The following ABCB4 variants were observed in gnomAD, a reference collection of about 807,000 sequenced individuals.
ABCB4 encodes ATP binding cassette subfamily B member 4.
A neutral mutation model predicts 145.7 loss-of-function variants in ABCB4; 76 were observed. The observed-to-expected ratio is 0.52, with a 90% CI of 0.43 to 0.63. The LOEUF (loss-of-function observed/expected upper bound fraction) is 0.63. Among genes scored for constraint, ABCB4 ranks in the 30% least tolerant of loss-of-function variants. The pLI is 0.00. For synonymous variants in ABCB4, 517 were observed against 566.8 expected (o/e 0.91, Z 1.25); for missense variants, 1,234 against 1,553.1 (o/e 0.79, Z 3.45).
chr7:87,384,843 C>T, the ABCB4 span, among the ~76,000 whole-genome samples: 7 of 152,182 alleles, frequency 4.6e-5, no homozygotes, highest in African/African-American at 9.6e-5. Flanking sequence ...TTTATAGTTT[C>T]AGGTCTTATA....
chr7:87,403,121 G>A lies in ABCB4; in HGVS notation c.3633+14C>T. Reference sequence around the variant, plus strand: ...ATAAATTAAATAAGACATAAGTTGGGAGGCCACACACACCTTTTCACTTTC... The same window carrying A: ...ATAAATTAAATAAGACATAAGTTGGAAGGCCACACACACCTTTTCACTTTC... On this transcript the variant is annotated intron_variant, in intron 27 of 27. Transcript: ENST00000649586. 6.2e-7 allele frequency: 1 copy of A among 1,613,744 alleles called. No homozygotes were observed. The highest frequency in any genetic ancestry group is 8.5e-7 in the Non-Finnish European group (1 of 1,179,780).
intron 7 of ABCB4, 124 bp from the exon 8 acceptor site, chr7:87,450,216 A>G: frequency 1.5e-6 from 2 of 1,319,608 alleles, no homozygotes; most frequent in Non-Finnish European, 2.1e-6. Context: ...AAAGTCATGT[A>G]GCAAATGCCA....
chr7:87,380,087 G>A, the ABCB4 span, among the ~76,000 whole-genome samples: 1 of 152,140 alleles, frequency 6.6e-6, no homozygotes, highest in African/African-American at 2.4e-5. Context: ...CTCCCACCCA[G>A]GCAACAGAAC....
intron 20 of ABCB4, 37 bp downstream of exon 20, chr7:87,418,500 T>A: frequency 1.3e-6 from 2 of 1,583,498 alleles, no homozygotes; most frequent in South Asian, 1.1e-5. Flanking sequence ...AAAACCATGT[T>A]ATGTAAAAAA....
In ABCB4 at chr7:87,439,723, C is replaced by G. The variant is rs745413159; in HGVS notation, c.1675G>C (p.Ala559Pro). The change falls in exon 14 of 28, where the codon GCC becomes CCC. Residue 559 changes from alanine (A) to proline (P), a missense_variant. Physicochemically the swap from Ala to Pro is conservative, Grantham distance 27 (BLOSUM62 -1). This residue lies in a region of ABCB4 where 467 missense variants were observed against 632.8 expected (regional missense o/e 0.74). Coordinates refer to ENST00000649586, the MANE Select transcript of ABCB4 (RefSeq NM_000443.4). ...CTTTCTGTGTCCAATGCTGACGTGG[C>G]CTCATCCAGCAGAAGGATCTTGGGG... ...RNPKILLLDE[A>P]TSALDTESEA... 1 of 1,614,138 alleles carries G rather than the reference C, an allele frequency of 6.2e-7. No individual in the cohort carries two copies. Among genetic ancestry groups the G allele is most frequent in the South Asian group, 1.1e-5 (1 of 91,074 alleles).
Position 87,426,923 on chromosome 7 carries a change from GA to G in ABCB4, c.1894-4del. 1 of 1,606,984 alleles carries G rather than the reference GA, an allele frequency of 6.2e-7. No homozygotes were observed. The highest frequency in any genetic ancestry group is 8.5e-7 in the Non-Finnish European group (1 of 1,176,600). ...GACTGGATCTGGCTTCCTGATGTCTGAAAGAATATCAAGACATTAAAGTGTG... is the reference window on the plus strand; with the variant it reads ...GACTGGATCTGGCTTCCTGATGTCTGAAGAATATCAAGACATTAAAGTGTG... On this transcript the variant is annotated splice_region_variant and splice_polypyrimidine_tract_variant and intron_variant, in intron 15 of 27. Transcript: ENST00000649586.
intron 12 of ABCB4, among the ~76,000 whole-genome samples, chr7:87,440,831 C>G (rs45487294): frequency 0.01 from 1,543 of 152,182 alleles, 13 homozygotes; most frequent in Non-Finnish European, 0.017. Context: ...AGCTCCACCT[C>G]CCGGGTTCAC....
chr7:87,410,048 G>A (rs1808498615), intron 23 of ABCB4, among the ~76,000 whole-genome samples: 1 of 152,106 alleles, frequency 6.6e-6, no homozygotes, highest in South Asian at 2.1e-4. Flanking sequence ...TAACGAACAT[G>A]CATATGTACC....
At chr7:87,434,746 C>CAA (rs34905708) in intron 14 of ABCB4, among the ~76,000 whole-genome samples, 6 of 150,710 alleles carry the variant, frequency 4.0e-5, no homozygotes, top group East Asian at 1.9e-4. Context: ...GACTCCGTCT[C>CAA]AAAAAAAAAA....
intron 4 of ABCB4, among the ~76,000 whole-genome samples, chr7:87,458,059 C>T (rs1562994112): frequency 6.6e-6 from 1 of 152,110 alleles, no homozygotes; most frequent in Non-Finnish European, 1.5e-5. Flanking sequence ...GGTGTTTGTT[C>T]AGGCACCCTA....
the ABCB4 span, among the ~76,000 whole-genome samples, chr7:87,388,520 T>C: frequency 6.6e-6 from 1 of 152,130 alleles, no homozygotes; most frequent in Admixed American, 6.5e-5. Context: ...AAACAAGCAA[T>C]GGGGAAAGGA....
chr7:87,390,752 G>A, the ABCB4 span, among the ~76,000 whole-genome samples: 7 of 152,166 alleles, frequency 4.6e-5, no homozygotes, highest in Non-Finnish European at 8.8e-5. Context: ...AGTCCTTCAT[G>A]TTCTATATGG....
intron 4 of ABCB4, among the ~76,000 whole-genome samples, chr7:87,460,132 G>GT (rs1410841755): frequency 6.6e-6 from 1 of 152,166 alleles, no homozygotes; most frequent in Non-Finnish European, 1.5e-5. Context: ...CATCTGGAAG[G>GT]TCAGACCATT....
At position 87,450,097 on chromosome 7, in the gene ABCB4, A is replaced by G. The variant is rs1250758488; in HGVS notation, c.709-5T>C. 6.2e-7 allele frequency: 1 copy of G among 1,613,834 alleles called. No individual in the cohort carries two copies. The highest frequency in any genetic ancestry group is 2.2e-5 in the East Asian group (1 of 44,892). ...GTCACTAAATGCCGAGAGTATCTGGACAGAAAAGAAACAGTGATCACTTTT... is the reference window on the plus strand; with the variant it reads ...GTCACTAAATGCCGAGAGTATCTGGGCAGAAAAGAAACAGTGATCACTTTT... On this transcript the variant is annotated splice_region_variant and splice_polypyrimidine_tract_variant and intron_variant, in intron 7 of 27. Transcript: ENST00000649586.
At chr7:87,382,767 C>T in the ABCB4 span, among the ~76,000 whole-genome samples, 30 of 152,178 alleles carry the variant, frequency 2.0e-4, no homozygotes, top group Admixed American at 1.6e-3. Context: ...TAACTTTTGA[C>T]GTGTCTATTC....
chr7:87,397,550 T>C (rs1419229031), downstream of ABCB4, among the ~76,000 whole-genome samples: 1 of 152,166 alleles, frequency 6.6e-6, no homozygotes, highest in African/African-American at 2.4e-5. Context: ...GAATGGTTAA[T>C]CTGTGGAGAG....
intron 3 of ABCB4, among the ~76,000 whole-genome samples, chr7:87,470,915 A>C (rs1002437993): frequency 5.3e-5 from 8 of 152,354 alleles, no homozygotes; most frequent in African/African-American, 1.9e-4. Flanking sequence ...AGACACATGC[A>C]CAAGTATGTT....
the ABCB4 span, among the ~76,000 whole-genome samples, chr7:87,378,352 A>AAAC: frequency 6.6e-6 from 1 of 151,634 alleles, no homozygotes; most frequent in Non-Finnish European, 1.5e-5. Flanking sequence ...ACTCCAAAAA[A>AAAC]AAAAAAAAAA....
chr7:87,421,176 C>T (rs1228972729), intron 18 of ABCB4, among the ~76,000 whole-genome samples: 2 of 152,198 alleles, frequency 1.3e-5, no homozygotes, highest in Non-Finnish European at 2.9e-5. Context: ...GTGTGAGTCT[C>T]CAGCCACAGT....
Sources: allele counts gnomAD v4.1 joint callset (sites outside exome capture counted in the v4.1 genomes callset), GRCh38; gene constraint gnomAD v4.1.1; regional missense constraint gnomAD v4.1.1; transcripts MANE v1.5; gene names NCBI Gene and HGNC (gene_info 2026-07-23, HGNC 2026-07-21).